Variants in ASIC2 observed in about 807,000 individuals in gnomAD.
ASIC2 encodes the protein acid-sensing ion channel 2.
Under a neutral mutation model 57.3 loss-of-function variants are expected in ASIC2, and 25 were observed. That is an observed-to-expected ratio of 0.44 (90% CI 0.32 to 0.61). The LOEUF (loss-of-function observed/expected upper bound fraction) is 0.61, where lower values mean the gene tolerates loss of function less well. Ranked by LOEUF, ASIC2 falls within the 20% of genes least tolerant of loss-of-function variation. The probability of loss-of-function intolerance (pLI) is 0.06; values close to 1 mark genes in which losing one functional copy is unlikely to be tolerated. For missense variants in ASIC2, 641 were observed against 738.1 expected (o/e 0.87, Z 1.52); for synonymous variants, 319 against 307.5 (o/e 1.04, Z -0.39).
intron 1 of ASIC2, among the ~76,000 whole-genome samples, chr17:33,829,422 G>A (rs1000544874): frequency 6.6e-6 from 1 of 152,132 alleles, no homozygotes; most frequent in African/African-American, 2.4e-5. Flanking sequence ...TATGGATGGG[G>A]ATACAGCTGA....
At chr17:33,335,457 C>T (rs1907475490) in intron 1 of ASIC2, among the ~76,000 whole-genome samples, 1 of 152,166 alleles carries the variant, frequency 6.6e-6, no homozygotes. Flanking sequence ...ATCTAAGCAG[C>T]ACAGGGAATG....
At chr17:33,575,763 G>C (rs892904235) in intron 1 of ASIC2, among the ~76,000 whole-genome samples, 1 of 152,090 alleles carries the variant, frequency 6.6e-6, no homozygotes, top group Non-Finnish European at 1.5e-5. Flanking sequence ...CTCTGGACTC[G>C]GTAGGTTTCA....
rs895555839 is a variant in ASIC2, at chr17:33,013,847, T to C, written c.*118A>G. 2.0e-5 allele frequency: 18 copies of C among 888,000 alleles called. No homozygotes were observed. Among genetic ancestry groups the C allele is most frequent in the Middle Eastern group, 3.0e-4 (1 of 3,316 alleles). The allele number at this position is 888,000 out of a possible 1,614,324, so 55.0% of individuals were successfully genotyped here. A position where few individuals can be genotyped will look rare whatever the true frequency, so the allele number is the denominator to read the frequency against. On this transcript the variant is annotated 3_prime_UTR_variant, in exon 10 of 10. Transcript: ENST00000225823. ...AGGCAGCTAGTCTGCAATGTGTGCA[T>C]AGGGGGCTCTTGCTTCTTTCCAGCA... is the stretch of plus-strand genomic sequence containing the variant.
intron 1 of ASIC2, among the ~76,000 whole-genome samples, chr17:33,791,559 A>T (rs955051774): frequency 6.6e-6 from 1 of 152,108 alleles, no homozygotes; most frequent in African/African-American, 2.4e-5. Flanking sequence ...TTAATATTTG[A>T]CATTTCACAG....
intron 1 of ASIC2, among the ~76,000 whole-genome samples, chr17:33,275,273 C>G (rs993857954): frequency 1.7e-4 from 26 of 152,308 alleles, no homozygotes; most frequent in Admixed American, 1.6e-3. Context: ...ATACCACCTC[C>G]TGGTTGTCCT....
intron 1 of ASIC2, among the ~76,000 whole-genome samples, chr17:33,324,716 G>C (rs1326276180): frequency 6.6e-6 from 1 of 152,172 alleles, no homozygotes; most frequent in African/African-American, 2.4e-5. Context: ...CCCATTAAGA[G>C]AGGAGCCCAG....
chr17:33,447,598 C>T lies in ASIC2; in HGVS notation c.556-335531G>A, dbSNP rs186645798. On this transcript the variant is annotated intron_variant, in intron 1 of 9. Coordinates refer to the ASIC2 transcript ENST00000359872. Reference sequence around the variant, plus strand: ...AGTGTAAAGCAGGATCTTTCAGAGTCAGGCCTAGAACACTGGGTGTGATTA... The same window carrying T: ...AGTGTAAAGCAGGATCTTTCAGAGTTAGGCCTAGAACACTGGGTGTGATTA... 2.6e-5 allele frequency among the ~76,000 whole-genome samples: 4 copies of T among 152,232 alleles called. No homozygotes were observed. In the East Asian group the frequency reaches 7.7e-4, roughly 29 times the overall value.
At chr17:33,662,001 A>C (rs1277334965) in intron 1 of ASIC2, among the ~76,000 whole-genome samples, 3 of 152,228 alleles carry the variant, frequency 2.0e-5, no homozygotes, top group Non-Finnish European at 4.4e-5. Flanking sequence ...GGGAGGGAAG[A>C]ATGAGACCAT....
rs909874688 is a variant in ASIC2, at chr17:33,898,028, T to C, written c.555+257950A>G. On this transcript the variant is annotated intron_variant, in intron 1 of 9. Transcript: ENST00000359872. ...GTCCTGGGTGAATGAGATGAAAATA[T>C]ATTTCCCTTGCAACTATAAAAGTTG... 8.5e-5 allele frequency among the ~76,000 whole-genome samples: 13 copies of C among 152,286 alleles called. No individual in the cohort carries two copies. In the South Asian group the frequency reaches 2.7e-3, roughly 32 times the overall value.
chr17:33,525,030 A>G (rs113801955), intron 1 of ASIC2, among the ~76,000 whole-genome samples: 6 of 152,266 alleles, frequency 3.9e-5, no homozygotes, highest in South Asian at 2.1e-4. Context: ...TATACCTACA[A>G]TATGAATCCC....
At chr17:33,526,824 C>G (rs1408431961) in intron 1 of ASIC2, among the ~76,000 whole-genome samples, 1 of 152,104 alleles carries the variant, frequency 6.6e-6, no homozygotes, top group Non-Finnish European at 1.5e-5. Context: ...GTGACTGTGT[C>G]TCCTGGAAAG....
intron 3 of ASIC2, among the ~76,000 whole-genome samples, chr17:33,048,201 C>A (rs1271762351): frequency 6.6e-6 from 1 of 152,178 alleles, no homozygotes; most frequent in African/African-American, 2.4e-5. Flanking sequence ...AACTCTGGCA[C>A]CCTGATCTCA....
intron 1 of ASIC2, among the ~76,000 whole-genome samples, chr17:34,107,161 A>T (rs1022700381): frequency 1.3e-5 from 2 of 152,008 alleles, no homozygotes; most frequent in Admixed American, 1.3e-4. Flanking sequence ...GTATGTTTGT[A>T]TACCTTCTTT....
intron 1 of ASIC2, among the ~76,000 whole-genome samples, chr17:34,133,436 G>A (rs1187980166): frequency 6.6e-6 from 1 of 152,238 alleles, no homozygotes; most frequent in Admixed American, 6.5e-5. Flanking sequence ...CCCAGGGTCA[G>A]GCTGTCTCTG....
At chr17:33,660,094 C>A (rs982111389) in intron 1 of ASIC2, among the ~76,000 whole-genome samples, 3 of 151,216 alleles carry the variant, frequency 2.0e-5, no homozygotes, top group Admixed American at 6.6e-5. Context: ...AAAAACAAAA[C>A]GAAACAAAAA....
intron 1 of ASIC2, among the ~76,000 whole-genome samples, chr17:34,142,133 T>A (rs1912287773): frequency 6.6e-6 from 1 of 152,182 alleles, no homozygotes; most frequent in Non-Finnish European, 1.5e-5. Flanking sequence ...TTCCAATGCC[T>A]TCTTGCACTC....
At chr17:33,453,877 T>C (rs574273930) in intron 1 of ASIC2, among the ~76,000 whole-genome samples, 3 of 152,336 alleles carry the variant, frequency 2.0e-5, no homozygotes, top group African/African-American at 7.2e-5. Flanking sequence ...AATGGCATCA[T>C]ACAGTGTATG....
At chr17:33,759,389 G>T (rs1910711930) in intron 1 of ASIC2, among the ~76,000 whole-genome samples, 1 of 152,166 alleles carries the variant, frequency 6.6e-6, no homozygotes, top group African/African-American at 2.4e-5. Context: ...TAGAGAAAAG[G>T]GAAACAGAGT....
chr17:33,499,733 C>A (rs1320274205), intron 1 of ASIC2, among the ~76,000 whole-genome samples: 2 of 152,362 alleles, frequency 1.3e-5, no homozygotes, highest in South Asian at 2.1e-4. Flanking sequence ...TGACACGTAA[C>A]TTTTGCAGGT....
Sources: gnomAD v4.1 joint callset for allele counts (sites outside exome capture counted in the v4.1 genomes callset) on GRCh38, gnomAD v4.1.1 for gene constraint, MANE v1.5 for transcripts, NCBI Gene and HGNC (gene_info 2026-07-23, HGNC 2026-07-21) for gene names.